TSHZ3: variants seen among roughly 807,000 people sequenced by gnomAD.
The protein encoded by TSHZ3 is teashirt zinc finger homeobox 3.
Under a neutral mutation model 64.5 loss-of-function variants are expected in TSHZ3, and 10 were observed. The observed-to-expected ratio is 0.16, with a 90% CI of 0.10 to 0.26. The LOEUF is 0.26. Ranked by LOEUF, TSHZ3 falls within the 10% of genes least tolerant of loss-of-function variation. The pLI, the probability that TSHZ3 is intolerant of heterozygous loss-of-function variation, is 1.00. For synonymous variants in TSHZ3, 608 were observed against 593.1 expected, an observed-to-expected ratio of 1.03 and a Z score of -0.36; for missense variants, 1,242 against 1,421.7, an observed-to-expected ratio of 0.87 and a Z score of 2.03.
chr19:31,309,995 T>C (rs1916411692), intron 1 of TSHZ3, among the ~76,000 whole-genome samples: 1 of 152,292 alleles, frequency 6.6e-6, no homozygotes, highest in South Asian at 2.1e-4. Context: ...AAACATCTGC[T>C]CAAATTGTTT....
At chr19:31,242,204 G>A (rs964111663) in intron 3 of TSHZ3, among the ~76,000 whole-genome samples, 1 of 152,074 alleles carries the variant, frequency 6.6e-6, no homozygotes, top group Non-Finnish European at 1.5e-5. Context: ...TTCTTCAGAG[G>A]GACAGAACCA....
intron 1 of TSHZ3, among the ~76,000 whole-genome samples, chr19:31,310,720 G>C (rs1442844488): frequency 6.6e-6 from 1 of 152,224 alleles, no homozygotes; most frequent in Non-Finnish European, 1.5e-5. Context: ...ACTTGAGCAA[G>C]CTACAAAACC....
At chr19:31,302,688 A>G (rs925337229) in intron 1 of TSHZ3, among the ~76,000 whole-genome samples, 1 of 152,206 alleles carries the variant, frequency 6.6e-6, no homozygotes, top group Non-Finnish European at 1.5e-5. Flanking sequence ...ATAAACACAC[A>G]CATATATATG....
chr19:31,291,775 A>C (rs766458866), intron 1 of TSHZ3, among the ~76,000 whole-genome samples: 2 of 152,202 alleles, frequency 1.3e-5, no homozygotes, highest in Non-Finnish European at 2.9e-5. Context: ...TGGGGAGTCC[A>C]TACACTCACT....
intron 1 of TSHZ3, among the ~76,000 whole-genome samples, chr19:31,341,255 T>G (rs1917423645): frequency 6.6e-6 from 1 of 152,142 alleles, no homozygotes. Flanking sequence ...TCTTGCAAGA[T>G]GCATTGGCAA....
At chr19:31,346,364 T>C (rs1357757835) in intron 1 of TSHZ3, among the ~76,000 whole-genome samples, 2 of 152,200 alleles carry the variant, frequency 1.3e-5, no homozygotes, top group Non-Finnish European at 2.9e-5. Flanking sequence ...CAGCCAGGAC[T>C]GTGTAATATC....
intron 1 of TSHZ3, among the ~76,000 whole-genome samples, chr19:31,310,533 C>A (rs1015650649): frequency 6.6e-6 from 1 of 152,168 alleles, no homozygotes; most frequent in African/African-American, 2.4e-5. Context: ...TGCAGTTCCA[C>A]CAATCTATGA....
chr19:31,189,143 TTG>T (rs1974862812), intron 5 of TSHZ3, among the ~76,000 whole-genome samples: 1 of 151,948 alleles, frequency 6.6e-6, no homozygotes, highest in Non-Finnish European at 1.5e-5. Context: ...CCCTGGAAAT[TTG>T]TGTTTCCCCT....
At chr19:31,213,136 G>C (rs10401868) in intron 4 of TSHZ3, among the ~76,000 whole-genome samples, 3 of 151,668 alleles carry the variant, frequency 2.0e-5, no homozygotes, top group Middle Eastern at 3.2e-3. Flanking sequence ...CGGGTGGATT[G>C]CCTGAACTCA....
At chr19:31,153,611 A>G (rs1466775347) in intron 6 of TSHZ3, among the ~76,000 whole-genome samples, 2 of 152,234 alleles carry the variant, frequency 1.3e-5, no homozygotes, top group African/African-American at 4.8e-5. Context: ...TTGTATTATC[A>G]TAAATTAAAC....
At chr19:31,185,855 T>C (rs964825450) in intron 5 of TSHZ3, among the ~76,000 whole-genome samples, 41 of 152,198 alleles carry the variant, frequency 2.7e-4, no homozygotes, top group Admixed American at 1.4e-3. Flanking sequence ...AAGCAATCAC[T>C]GTTCTGGTTT....
intron 1 of TSHZ3, among the ~76,000 whole-genome samples, chr19:31,334,993 G>A (rs983453055): frequency 2.0e-5 from 3 of 152,066 alleles, no homozygotes; most frequent in African/African-American, 7.2e-5. Flanking sequence ...GTTACCTGGG[G>A]GAGCAAGAAA....
At chr19:31,328,070 T>A (rs1454000491) in intron 1 of TSHZ3, among the ~76,000 whole-genome samples, 3 of 152,238 alleles carry the variant, frequency 2.0e-5, no homozygotes, top group African/African-American at 7.2e-5. Context: ...ATCTCTGTCC[T>A]CTGAAGAAGC....
chr19:31,235,351 C>A (rs1235438425), intron 3 of TSHZ3, among the ~76,000 whole-genome samples: 2 of 152,130 alleles, frequency 1.3e-5, no homozygotes, highest in Non-Finnish European at 2.9e-5. Context: ...CCCCATTTCC[C>A]CCCAACCCCA....
chr19:31,300,309 A>G (rs1432006559), intron 1 of TSHZ3, among the ~76,000 whole-genome samples: 1 of 152,248 alleles, frequency 6.6e-6, no homozygotes, highest in Non-Finnish European at 1.5e-5. Context: ...CTGTAGAAAC[A>G]AGAGCAGCTT....
chr19:31,205,721 G>A (rs1033784316), intron 4 of TSHZ3, among the ~76,000 whole-genome samples: 3 of 152,198 alleles, frequency 2.0e-5, no homozygotes, highest in Non-Finnish European at 4.4e-5. Flanking sequence ...CAAAACAGAG[G>A]CTGTTGGCCC....
chr19:31,210,057 G>C (rs943700630), intron 4 of TSHZ3, among the ~76,000 whole-genome samples: 1 of 152,088 alleles, frequency 6.6e-6, no homozygotes, highest in African/African-American at 2.4e-5. Flanking sequence ...GTTAGTGGTT[G>C]GTAGATGGGA....
At chr19:31,249,216 C>A (rs1568359262) in intron 1 of TSHZ3, among the ~76,000 whole-genome samples, 1 of 152,310 alleles carries the variant, frequency 6.6e-6, no homozygotes, top group South Asian at 2.1e-4. Flanking sequence ...AGTTCCAGGG[C>A]TCCAGTGATC....
chr19:31,152,234 T>C (rs1185100817), intron 6 of TSHZ3, among the ~76,000 whole-genome samples: 1 of 152,086 alleles, frequency 6.6e-6, no homozygotes, highest in African/African-American at 2.4e-5. Context: ...TGTCTTTCCA[T>C]TCCAATAAGC....
Sources: allele counts gnomAD v4.1 joint callset (sites outside exome capture counted in the v4.1 genomes callset), GRCh38; gene constraint gnomAD v4.1.1; transcripts MANE v1.5; gene names NCBI Gene and HGNC (gene_info 2026-07-23, HGNC 2026-07-21).